Variants in GRIN2A observed in about 807,000 individuals in gnomAD.
GRIN2A encodes glutamate receptor ionotropic, NMDA 2A.
GRIN2A carries 22 observed loss-of-function variants against 113.4 expected under a neutral mutation model. That is an observed-to-expected ratio of 0.19 (90% CI 0.14 to 0.28). GRIN2A has a LOEUF of 0.28. Among genes scored for constraint, GRIN2A ranks in the 10% least tolerant of loss-of-function variants. The pLI is 1.00. For missense variants in GRIN2A, 1,502 were observed against 1,887.0 expected, an observed-to-expected ratio of 0.80 and a Z score of 3.78; for synonymous variants, 827 against 738.4, an observed-to-expected ratio of 1.12 and a Z score of -1.94.
intron 3 of GRIN2A, among the ~76,000 whole-genome samples, chr16:9,900,129 T>C (rs578192302): frequency 1.4e-3 from 212 of 152,332 alleles, no homozygotes; most frequent in African/African-American, 5.0e-3. Flanking sequence ...GTAGTTGTCA[T>C]GGTTTTATAT....
At chr16:9,784,683 T>G (rs987410468) in intron 11 of GRIN2A, among the ~76,000 whole-genome samples, 2 of 152,168 alleles carry the variant, frequency 1.3e-5, no homozygotes, top group East Asian at 1.9e-4. Context: ...ATTTTTGCAA[T>G]CTACTCATCT....
chr16:9,938,616 T>G lies in GRIN2A; in HGVS notation c.415-65A>C. On this transcript the variant is annotated intron_variant, in intron 2 of 12. Coordinates refer to ENST00000330684, the MANE Select transcript of GRIN2A (RefSeq NM_001134407.3). ...AGGTGGTTTATATAGAAGCACAAACTGCGTCCTAGAAGTAAGGAAAGTAAA... is the reference window on the plus strand; with the variant it reads ...AGGTGGTTTATATAGAAGCACAAACGGCGTCCTAGAAGTAAGGAAAGTAAA... 1.1e-5 allele frequency: 12 copies of G among 1,133,546 alleles called. No homozygotes were observed. The Admixed American group carries it at 1.4e-4, about 13-fold the overall frequency. The allele number at this position is 1,133,546 out of a possible 1,614,324, so 70.2% of individuals were successfully genotyped here. A position where few individuals can be genotyped will look rare whatever the true frequency, so the allele number is the denominator to read the frequency against.
chr16:9,902,015 T>C (rs987762975), intron 3 of GRIN2A, among the ~76,000 whole-genome samples: 1 of 151,996 alleles, frequency 6.6e-6, no homozygotes, highest in African/African-American at 2.4e-5. Flanking sequence ...AAGAACTAAG[T>C]GCAGATTTTC....
At chr16:10,088,534 G>A (rs1307637162) in intron 2 of GRIN2A, among the ~76,000 whole-genome samples, 1 of 152,206 alleles carries the variant, frequency 6.6e-6, no homozygotes, top group Admixed American at 6.5e-5. Flanking sequence ...CAAGATCAGC[G>A]TCTGATCCTG....
intron 2 of GRIN2A, among the ~76,000 whole-genome samples, chr16:10,119,743 C>T (rs909974380): frequency 6.6e-6 from 1 of 152,168 alleles, no homozygotes; most frequent in Non-Finnish European, 1.5e-5. Flanking sequence ...CCACCCTCCG[C>T]CCTCGATTAG....
intron 2 of GRIN2A, among the ~76,000 whole-genome samples, chr16:10,101,124 G>T (rs1596505449): frequency 6.6e-6 from 1 of 152,330 alleles, no homozygotes; most frequent in Admixed American, 6.5e-5. Flanking sequence ...TGCCCAACAT[G>T]GGGCTCCTTT....
chr16:10,154,600 A>G (rs1313470132), intron 2 of GRIN2A, among the ~76,000 whole-genome samples: 1 of 152,198 alleles, frequency 6.6e-6, no homozygotes, highest in Non-Finnish European at 1.5e-5. Context: ...CACTGAACAC[A>G]TTAACACATA....
At chr16:10,082,278 G>C (rs1448272) in intron 2 of GRIN2A, among the ~76,000 whole-genome samples, 130,427 of 152,220 alleles carry the variant, frequency 0.86, 56,407 homozygotes, top group East Asian at 1. Flanking sequence ...TGGATTACCA[G>C]CCACAGCAGG....
intron 2 of GRIN2A, among the ~76,000 whole-genome samples, chr16:10,093,640 T>C (rs1205947975): frequency 1.3e-5 from 2 of 152,004 alleles, no homozygotes; most frequent in African/African-American, 4.8e-5. Flanking sequence ...CAAAAAACCT[T>C]TTGCAGTAGA....
intron 2 of GRIN2A, among the ~76,000 whole-genome samples, chr16:10,110,683 G>C (rs532557920): frequency 6.6e-6 from 1 of 152,346 alleles, no homozygotes. Flanking sequence ...TTCTGGATAA[G>C]TGATCATAAA....
At position 9,840,927 on chromosome 16, in the gene GRIN2A, A is replaced by G; in HGVS notation, c.1497+9T>C. ...GAGTAAGAGCCTAGGGGATGAAAAG[A>G]TAACTTACTTCACCGATCATTCCAT... On this transcript the variant is annotated intron_variant, in intron 6 of 12. Transcript: ENST00000330684. 1 of 1,613,728 alleles carries G rather than the reference A, an allele frequency of 6.2e-7. No homozygotes were observed. The highest frequency in any genetic ancestry group is 1.3e-5 in the African/African-American group (1 of 75,022).
intron 12 of GRIN2A, among the ~76,000 whole-genome samples, chr16:9,768,295 G>T (rs1239763746): frequency 6.6e-6 from 1 of 152,066 alleles, no homozygotes; most frequent in African/African-American, 2.4e-5. Context: ...CTCGTGATCC[G>T]CCCGCCTGGG....
At chr16:10,165,566 T>C (rs1812924943) in intron 2 of GRIN2A, among the ~76,000 whole-genome samples, 1 of 145,312 alleles carries the variant, frequency 6.9e-6, no homozygotes, top group East Asian at 2.0e-4. Flanking sequence ...ATGAACACAA[T>C]GATGTCTTGG....
intron 2 of GRIN2A, among the ~76,000 whole-genome samples, chr16:10,070,495 T>G (rs1487629963): frequency 2.6e-5 from 4 of 151,926 alleles, no homozygotes; most frequent in Non-Finnish European, 5.9e-5. Context: ...CATTGCCATA[T>G]GTCAGTTATT....
intron 3 of GRIN2A, among the ~76,000 whole-genome samples, chr16:9,931,861 C>T (rs927792798): frequency 6.6e-6 from 1 of 152,180 alleles, no homozygotes; most frequent in Admixed American, 6.5e-5. Context: ...AAACACACAG[C>T]ACTCACAGCA....
intron 2 of GRIN2A, among the ~76,000 whole-genome samples, chr16:10,156,734 G>A (rs574509163): frequency 2.4e-4 from 36 of 152,292 alleles, no homozygotes; most frequent in Non-Finnish European, 4.7e-4. Context: ...AAGGCAAAGC[G>A]GGACTAACAA....
chr16:9,865,383 T>C (rs1037437990), intron 4 of GRIN2A, among the ~76,000 whole-genome samples: 1 of 152,062 alleles, frequency 6.6e-6, no homozygotes, highest in African/African-American at 2.4e-5. Context: ...CTGGGAGAAA[T>C]GAGAATCATG....
intron 2 of GRIN2A, among the ~76,000 whole-genome samples, chr16:9,949,986 T>C (rs2045139036): frequency 6.6e-6 from 1 of 152,086 alleles, no homozygotes; most frequent in Non-Finnish European, 1.5e-5. Context: ...GAGAATCCAT[T>C]GCTACCCAAA....
chr16:10,180,363 C>G lies in GRIN2A; in HGVS notation c.49G>C (p.Val17Leu). The change falls in exon 2 of 13, where the codon GTC (valine) becomes CTC (leucine). Residue 17 changes from valine to leucine, a missense_variant. By Grantham distance (32) the Val-to-Leu change is conservative. This residue lies in a region of GRIN2A where 149 missense variants were observed against 179.1 expected (regional missense o/e 0.83). Transcript: ENST00000330684. This position sits in a 1 kb window ranked among gnomAD's most constrained non-coding sequence, Gnocchi z 7.0. ...GCGCTCGGCGCCGGACCGCGCCAGA[C>G]CAGAAGGGCCGGCAGCACCAGCAGG... ...WTLLVLPALL[V>L]WRGPAPSAAA... 1.2e-6 allele frequency: 2 copies of G among 1,608,208 alleles called. No individual in the cohort carries two copies. Among genetic ancestry groups the G allele is most frequent in the South Asian group, 1.1e-5 (1 of 91,070 alleles).
Sources: allele counts gnomAD v4.1 joint callset (sites outside exome capture counted in the v4.1 genomes callset), GRCh38; gene constraint gnomAD v4.1.1; regional missense constraint gnomAD v4.1.1; non-coding constraint Gnocchi (gnomAD v3.1); transcripts MANE v1.5; gene names NCBI Gene and HGNC (gene_info 2026-07-23, HGNC 2026-07-21).